Variants in CYTH1 observed in about 807,000 individuals in gnomAD.
CYTH1 encodes cytohesin 1.
Under a neutral mutation model 61.8 loss-of-function variants are expected in CYTH1, and 18 were observed. That is an observed-to-expected ratio of 0.29 (90% CI 0.20 to 0.43). CYTH1 has a LOEUF of 0.43. CYTH1 is among the 20% of genes least tolerant of loss of function. The pLI, the probability that CYTH1 is intolerant of heterozygous loss-of-function variation, is 1.00. For missense variants in CYTH1, 336 were observed against 510.5 expected, an observed-to-expected ratio of 0.66 and a Z score of 3.29; for synonymous variants, 174 against 184.3, an observed-to-expected ratio of 0.94 and a Z score of 0.45.
intron 1 of CYTH1, among the ~76,000 whole-genome samples, chr17:78,764,466 G>A (rs1447649842): frequency 6.6e-6 from 1 of 151,914 alleles, no homozygotes; most frequent in African/African-American, 2.4e-5. Context: ...CGGCCTAAAT[G>A]TCCCTTTTTC....
At chr17:78,751,381 T>A (rs1414908974) in intron 1 of CYTH1, among the ~76,000 whole-genome samples, 1 of 151,990 alleles carries the variant, frequency 6.6e-6, no homozygotes, top group African/African-American at 2.4e-5. Flanking sequence ...AGGCACATCA[T>A]GGCCTCTTGT....
At chr17:78,698,538 A>G (rs1286988068) in intron 8 of CYTH1, among the ~76,000 whole-genome samples, 158 bp from the exon 9 acceptor site, 2 of 152,182 alleles carry the variant, frequency 1.3e-5, no homozygotes, top group Non-Finnish European at 2.9e-5. Flanking sequence ...GCTTTCAGGC[A>G]GCTCACAGTG....
chr17:78,766,835 T>C (rs2093450715), intron 1 of CYTH1, among the ~76,000 whole-genome samples: 1 of 152,136 alleles, frequency 6.6e-6, no homozygotes, highest in African/African-American at 2.4e-5. Flanking sequence ...GGGGTGTGAA[T>C]GAGCAGCCAG....
intron 3 of CYTH1, among the ~76,000 whole-genome samples, chr17:78,704,993 C>T (rs1162849029): frequency 1.3e-5 from 2 of 152,146 alleles, no homozygotes; most frequent in African/African-American, 4.8e-5. Flanking sequence ...TCTAGAAATT[C>T]CTATTTAACT....
intron 1 of CYTH1, among the ~76,000 whole-genome samples, chr17:78,762,732 A>G (rs546767867): frequency 1.3e-5 from 2 of 152,286 alleles, no homozygotes; most frequent in South Asian, 4.1e-4. Flanking sequence ...CAGAGTGATG[A>G]GAGGTGAGAC....
chr17:78,698,156 TGCACACGCACAAACAC>T (rs1289995632), intron 9 of CYTH1, 97 bp downstream of exon 9: 29 of 875,812 alleles, frequency 3.3e-5, no homozygotes, highest in African/African-American at 1.9e-4. Context: ...CGCGCACACA[TGCACACGCACAAACAC>T]GCACACGCGC....
Position 78,782,262 on chromosome 17 carries a change from G to T in CYTH1, c.-39C>A. 8.2e-7 allele frequency: 1 copy of T among 1,223,336 alleles called. No individual in the cohort carries two copies. Among genetic ancestry groups the T allele is most frequent in the Non-Finnish European group, 1.0e-6 (1 of 970,028 alleles). 75.8% of individuals were successfully genotyped at this position (1,223,336 alleles called of 1,614,324 possible). A position where few individuals can be genotyped will look rare whatever the true frequency, so the allele number is the denominator to read the frequency against. On this transcript the variant is annotated 5_prime_UTR_variant, in exon 1 of 14. Transcript: ENST00000446868. ...GGCTCCGCGCTCCGGCTCGCCGCTC[G>T]CGTCCCGCCGCGCCACCCGCGCCCC... is the stretch of plus-strand genomic sequence containing the variant.
At chr17:78,766,402 A>C (rs1448733967) in intron 1 of CYTH1, among the ~76,000 whole-genome samples, 1 of 152,210 alleles carries the variant, frequency 6.6e-6, no homozygotes, top group Non-Finnish European at 1.5e-5. Context: ...CAACCACAAA[A>C]CATGTTCTGG....
rs1036623313 is a variant in CYTH1, at chr17:78,714,142, T to C, written c.23-4410A>G. On this transcript the variant is annotated intron_variant, in intron 1 of 13. Coordinates refer to ENST00000446868, the MANE Select transcript of CYTH1 (RefSeq NM_004762.6). ...CCGTCTCTACTAAAAATACAAAAATTAGCTGGGCGTAGCGGTGCACACCTG... is the reference window on the plus strand; with the variant it reads ...CCGTCTCTACTAAAAATACAAAAATCAGCTGGGCGTAGCGGTGCACACCTG... Among the ~76,000 whole-genome samples, 7 of 138,354 alleles carry C rather than the reference T, an allele frequency of 5.1e-5. No homozygotes were observed. In the East Asian group the frequency reaches 8.1e-4, roughly 16 times the overall value. The allele number at this position is 138,354 out of a possible 152,430, so 90.8% of individuals were successfully genotyped here. A position where few individuals can be genotyped will look rare whatever the true frequency, so the allele number is the denominator to read the frequency against.
At chr17:78,745,808 C>T (rs770768596) in intron 1 of CYTH1, among the ~76,000 whole-genome samples, 4 of 152,170 alleles carry the variant, frequency 2.6e-5, no homozygotes, top group Non-Finnish European at 4.4e-5. Flanking sequence ...AAGAGAATTG[C>T]TTCAATCCAG....
Position 78,704,735 on chromosome 17 carries a change from T to G in CYTH1, c.171-2131A>C, listed in dbSNP as rs561139059. ...CAGAGTCTTGCTATGTAACCCAGGC[T>G]GGTCTTAAACTCCTGGCCTCAAGCA... is the stretch of plus-strand genomic sequence containing the variant. On this transcript the variant is annotated intron_variant, in intron 3 of 13. Coordinates refer to ENST00000446868, the MANE Select transcript of CYTH1 (RefSeq NM_004762.6). 6.6e-5 allele frequency among the ~76,000 whole-genome samples: 10 copies of G among 152,332 alleles called. No homozygotes were observed. The South Asian group carries it at 1.9e-3, about 28-fold the overall frequency.
chr17:78,687,984 C>T (rs2092833990), intron 11 of CYTH1, among the ~76,000 whole-genome samples: 1 of 152,190 alleles, frequency 6.6e-6, no homozygotes, highest in Non-Finnish European at 1.5e-5. Flanking sequence ...TCCATCTCCT[C>T]CGAGGGCTGC....
At chr17:78,685,027 C>T (rs1178266384) in intron 11 of CYTH1, among the ~76,000 whole-genome samples, 1 of 151,830 alleles carries the variant, frequency 6.6e-6, no homozygotes, top group Non-Finnish European at 1.5e-5. Context: ...GGTGAAACCC[C>T]ATCTCTACTA....
At chr17:78,776,270 C>T (rs2093490526) in intron 1 of CYTH1, among the ~76,000 whole-genome samples, 1 of 152,184 alleles carries the variant, frequency 6.6e-6, no homozygotes, top group African/African-American at 2.4e-5. Context: ...AACATACTCT[C>T]TGGAAAATCC....
intron 3 of CYTH1, among the ~76,000 whole-genome samples, chr17:78,704,777 C>G (rs1256083020): frequency 2.0e-5 from 3 of 152,192 alleles, no homozygotes; most frequent in Non-Finnish European, 4.4e-5. Context: ...CTACCTTGGC[C>G]TCCCAAAATG....
At chr17:78,710,568 A>G (rs143306124) in intron 1 of CYTH1, among the ~76,000 whole-genome samples, 5 of 152,336 alleles carry the variant, frequency 3.3e-5, no homozygotes, top group East Asian at 1.9e-4. Flanking sequence ...TTAGAATCAA[A>G]CAAACCAGGT....
Position 78,714,867 on chromosome 17 carries a change from A to G in CYTH1, c.23-5135T>C, listed in dbSNP as rs947630436. Among the ~76,000 whole-genome samples the G allele has an allele frequency of 7.2e-5, 11 of 152,128 alleles. 4 individuals carry two copies. The highest frequency in any genetic ancestry group is 2.0e-4 in the East Asian group (1 of 5,080). On this transcript the variant is annotated intron_variant, in intron 1 of 13. Transcript: ENST00000446868. ...AAACAGAGATAATTAGGGGGAAAAA[A>G]GAAAGAAAAAAAAAACCTTTAAAAG... is the stretch of plus-strand genomic sequence containing the variant.
intron 1 of CYTH1, among the ~76,000 whole-genome samples, chr17:78,777,524 A>G (rs2144778398): frequency 6.6e-6 from 1 of 152,326 alleles, no homozygotes; most frequent in Middle Eastern, 3.4e-3. Flanking sequence ...TAATGAATAC[A>G]AAAGAGTACT....
At chr17:78,770,362 A>G (rs1162513085) in intron 1 of CYTH1, among the ~76,000 whole-genome samples, 44 of 151,668 alleles carry the variant, frequency 2.9e-4, no homozygotes, top group African/African-American at 1.0e-3. Context: ...AAAGAAAAAA[A>G]AAAAAACAAA....
Sources: gnomAD v4.1 joint callset for allele counts (sites outside exome capture counted in the v4.1 genomes callset) on GRCh38, gnomAD v4.1.1 for gene constraint, MANE v1.5 for transcripts, NCBI Gene and HGNC (gene_info 2026-07-23, HGNC 2026-07-21) for gene names.